Variants in PDS5A observed in about 807,000 individuals in gnomAD.
The protein encoded by PDS5A is PDS5 cohesin associated factor A.
In PDS5A, 42 loss-of-function variants were observed where a neutral mutation model predicts 167.1. The ratio of observed to expected loss-of-function variants is 0.25; its 90% CI spans 0.20 to 0.33. The LOEUF (loss-of-function observed/expected upper bound fraction) is 0.33, where lower values mean the gene tolerates loss of function less well. Among genes scored for constraint, PDS5A ranks in the 10% least tolerant of loss-of-function variants. PDS5A has a pLI of 1.00. For synonymous variants in PDS5A, 553 were observed against 554.6 expected (o/e 1.00, Z 0.04); for missense variants, 1,033 against 1,605.9 (o/e 0.64, Z 6.10).
rs1241699542 is a variant in PDS5A, at chr4:39,877,081, T to C, written c.2065A>G (p.Met689Val). 6.2e-7 allele frequency: 1 copy of C among 1,608,622 alleles called. No homozygotes were observed. Among genetic ancestry groups the C allele is most frequent in the Non-Finnish European group, 8.5e-7 (1 of 1,175,312 alleles). ...GCTTCTGCTACCTTGTCATCCTCCA[T>C]TCTTAGGCACTGTAACAAGGACTCA... The part of the protein sequence containing the change: ...TYESLLQCLR[M>V]EDDKVAEAAI... Residue 689 changes from methionine to valine, a missense_variant, in exon 19 of 33, where the codon ATG (methionine) becomes GTG (valine). By Grantham distance (21) the Met-to-Val change is conservative. Transcript: ENST00000303538.
rs774740163 is a variant in PDS5A, at chr4:39,837,913, T to C, written c.3953A>G (p.Lys1318Arg). The C allele has an allele frequency of 1.9e-6, 3 of 1,613,874 alleles. No individual in the cohort carries two copies. Among genetic ancestry groups the C allele is most frequent in the Non-Finnish European group, 2.5e-6 (3 of 1,179,862 alleles). The change falls in exon 32 of 33, where the codon AAA becomes AGA. Residue 1318 changes from lysine (K) to arginine (R), a missense_variant. Physicochemically the swap from Lys to Arg is conservative, Grantham distance 26 (BLOSUM62 2). Transcript: ENST00000303538. ...GLEAGNAKAPKLQDLAKKAAP... is the reference protein window; with the variant it reads ...GLEAGNAKAPRLQDLAKKAAP... ...TGCCTTTTTGGCTAAATCTTGCAGT[T>C]TGGGTGCTTTGGCATTACCTGCTTC...
At chr4:39,915,502 G>GGT (rs1724292296) in intron 8 of PDS5A, among the ~76,000 whole-genome samples, 1 of 151,820 alleles carries the variant, frequency 6.6e-6, no homozygotes, top group Non-Finnish European at 1.5e-5. Flanking sequence ...TGGGACTACG[G>GGT]GTGTGTGGCA....
intron 32 of PDS5A, 72 bp from the exon 33 acceptor site, chr4:39,825,560 AT>A: frequency 9.1e-7 from 1 of 1,096,904 alleles, no homozygotes; most frequent in South Asian, 1.7e-5. Context: ...AAATGATTTC[AT>A]TTCCATAGTT....
At chr4:39,897,910 C>T (rs936416869) in intron 16 of PDS5A, 22 of 408,760 alleles carry the variant, frequency 5.4e-5, no homozygotes, top group Non-Finnish European at 6.6e-5. Flanking sequence ...TAAGTTTTCC[C>T]TCCTGATAGC....
At chr4:39,871,299 A>T (rs1375818538) in intron 21 of PDS5A, among the ~76,000 whole-genome samples, 1 of 152,330 alleles carries the variant, frequency 6.6e-6, no homozygotes, top group East Asian at 1.9e-4. Context: ...TTATCACCAT[A>T]AAAAAAGACC....
At chr4:39,849,369 A>T in intron 27 of PDS5A, 151 bp downstream of exon 27, 2 of 590,706 alleles carry the variant, frequency 3.4e-6, no homozygotes, top group Non-Finnish European at 6.0e-6. Flanking sequence ...ACTTGTAATG[A>T]AGTGCAATAA....
At chr4:39,833,794 T>A (rs1237387729) in intron 32 of PDS5A, among the ~76,000 whole-genome samples, 1 of 152,154 alleles carries the variant, frequency 6.6e-6, no homozygotes. Flanking sequence ...TCAAGAGGAC[T>A]GACAAGAGCA....
intron 5 of PDS5A, among the ~76,000 whole-genome samples, chr4:39,924,202 G>T (rs1725262369): frequency 6.6e-6 from 1 of 152,158 alleles, no homozygotes; most frequent in South Asian, 2.1e-4. Flanking sequence ...CTTACGGCCA[G>T]ATATTGACCA....
chr4:39,865,876 G>T (rs1023715485), intron 23 of PDS5A, among the ~76,000 whole-genome samples: 1 of 152,232 alleles, frequency 6.6e-6, no homozygotes, highest in African/African-American at 2.4e-5. Flanking sequence ...GAATACTTTA[G>T]TTATCTATGT....
intron 29 of PDS5A, among the ~76,000 whole-genome samples, chr4:39,845,396 G>GAT (rs1240355473): frequency 1.3e-4 from 20 of 151,774 alleles, no homozygotes; most frequent in East Asian, 5.8e-4. Flanking sequence ...TAAACTATTG[G>GAT]ATATATATAT....
intron 32 of PDS5A, among the ~76,000 whole-genome samples, chr4:39,835,900 C>G (rs1482242828): frequency 6.6e-6 from 1 of 152,100 alleles, no homozygotes; most frequent in Non-Finnish European, 1.5e-5. Flanking sequence ...GCTTAGGTAG[C>G]CTGTGTGTGA....
chr4:39,863,654 G>A (rs184969433), intron 23 of PDS5A, among the ~76,000 whole-genome samples, 195 bp from the exon 24 acceptor site: 321 of 152,176 alleles, frequency 2.1e-3, no homozygotes, highest in African/African-American at 7.2e-3. Context: ...TCAAATCATT[G>A]TGACTTTCTG....
chr4:39,944,902 T>G (rs2109774138), intron 2 of PDS5A, among the ~76,000 whole-genome samples: 1 of 152,300 alleles, frequency 6.6e-6, no homozygotes, highest in South Asian at 2.1e-4. Context: ...ATTCTTTTTT[T>G]CTTTACAGCT....
At chr4:39,933,985 C>A (rs182690735) in intron 2 of PDS5A, among the ~76,000 whole-genome samples, 2 of 152,036 alleles carry the variant, frequency 1.3e-5, no homozygotes, top group Non-Finnish European at 2.9e-5. Flanking sequence ...TATGTGTGTG[C>A]GGGCAGGCAC....
intron 2 of PDS5A, 112 bp from the exon 3 acceptor site, chr4:39,928,276 G>A: frequency 3.2e-6 from 2 of 628,048 alleles, no homozygotes; most frequent in Non-Finnish European, 5.5e-6. Context: ...GTGGCCACCA[G>A]ACAGTTCACA....
Position 39,904,264 on chromosome 4 carries a change from T to A in PDS5A, c.1234-73A>T, listed in dbSNP as rs536869749. On this transcript the variant is annotated intron_variant, in intron 11 of 32. Transcript: ENST00000303538. ...ACTAATCTCCAAAGACTGCCTTGGC[T>A]TCATTAGGTTGTACAGTCTTATGTG... 10 of 1,046,358 alleles carry A rather than the reference T, an allele frequency of 9.6e-6. No homozygotes were observed. The East Asian group carries it at 2.3e-4, about 25-fold the overall frequency. 64.8% of individuals were successfully genotyped at this position (1,046,358 alleles called of 1,614,324 possible).
intron 6 of PDS5A, among the ~76,000 whole-genome samples, chr4:39,920,832 C>A (rs1166459740): frequency 1.3e-5 from 2 of 152,126 alleles, no homozygotes; most frequent in African/African-American, 4.8e-5. Flanking sequence ...GAAGAGTAGA[C>A]CTGGTAAGCG....
At chr4:39,908,776 C>T in intron 10 of PDS5A, 3 of 452,050 alleles carry the variant, frequency 6.6e-6, no homozygotes, top group Non-Finnish European at 1.2e-5. Flanking sequence ...GTAATACCAG[C>T]ACTTTGGGAG....
intron 24 of PDS5A, 95 bp from the exon 25 acceptor site, chr4:39,863,168 A>C: frequency 9.9e-7 from 1 of 1,013,704 alleles, no homozygotes. Flanking sequence ...AAAAGAAGAT[A>C]ATTATATGGG....
Sources: gnomAD v4.1 joint callset for allele counts (sites outside exome capture counted in the v4.1 genomes callset) on GRCh38, gnomAD v4.1.1 for gene constraint, MANE v1.5 for transcripts, NCBI Gene and HGNC (gene_info 2026-07-23, HGNC 2026-07-21) for gene names.